Variants in WDR70 observed in about 807,000 individuals in gnomAD.
WDR70 encodes WD repeat-containing protein 70.
Under a neutral mutation model 88.6 loss-of-function variants are expected in WDR70, and 53 were observed. The observed-to-expected ratio is 0.60, with a 90% CI of 0.48 to 0.75. The LOEUF (loss-of-function observed/expected upper bound fraction) is 0.75. WDR70 is among the 30% of genes least tolerant of loss of function. The pLI is 0.00. For missense variants in WDR70, 610 were observed against 823.2 expected (o/e 0.74, Z 3.17); for synonymous variants, 280 against 270.0 (o/e 1.04, Z -0.36).
At chr5:37,426,923 G>T (rs546714435) in intron 5 of WDR70, among the ~76,000 whole-genome samples, 44 of 151,940 alleles carry the variant, frequency 2.9e-4, no homozygotes, top group African/African-American at 1.0e-3. Context: ...ATACGGGTGT[G>T]CACAACCATG....
chr5:37,395,000 T>A (rs1222403777), intron 4 of WDR70, among the ~76,000 whole-genome samples: 1 of 152,216 alleles, frequency 6.6e-6, no homozygotes, highest in East Asian at 1.9e-4. Context: ...GTGCCTGTTA[T>A]AGGTGAAGCA....
intron 8 of WDR70, among the ~76,000 whole-genome samples, chr5:37,508,905 G>C (rs2112237848): frequency 6.6e-6 from 1 of 152,268 alleles, no homozygotes; most frequent in South Asian, 2.1e-4. Flanking sequence ...ATAGCCAACT[G>C]GGCTGGGGTT....
intron 8 of WDR70, among the ~76,000 whole-genome samples, chr5:37,504,961 T>C (rs1740516011): frequency 6.6e-6 from 1 of 152,204 alleles, no homozygotes; most frequent in East Asian, 1.9e-4. Flanking sequence ...TCAAGAAAAT[T>C]GGGCTGAAAT....
intron 17 of WDR70, among the ~76,000 whole-genome samples, chr5:37,744,146 G>A (rs141070613): frequency 6.6e-6 from 1 of 152,250 alleles, no homozygotes; most frequent in African/African-American, 2.4e-5. Flanking sequence ...GGAGCCTGAA[G>A]TGAACCCCCA....
At chr5:37,561,309 T>C (rs1364846422) in intron 9 of WDR70, among the ~76,000 whole-genome samples, 1 of 152,180 alleles carries the variant, frequency 6.6e-6, no homozygotes, top group Admixed American at 6.5e-5. Flanking sequence ...AATGGACCGA[T>C]CTAACTAATA....
At chr5:37,692,335 G>T (rs1463879595) in intron 10 of WDR70, among the ~76,000 whole-genome samples, 1 of 152,064 alleles carries the variant, frequency 6.6e-6, no homozygotes, top group Non-Finnish European at 1.5e-5. Context: ...ACAATCAATG[G>T]AAAAAGAGGG....
chr5:37,383,283 G>A (rs575438764), intron 3 of WDR70, among the ~76,000 whole-genome samples: 14 of 152,136 alleles, frequency 9.2e-5, no homozygotes, highest in Admixed American at 2.6e-4. Context: ...TATTTGAGAC[G>A]GAGGCCTGCT....
intron 10 of WDR70, among the ~76,000 whole-genome samples, chr5:37,678,558 C>T (rs1334409075): frequency 1.3e-5 from 2 of 152,078 alleles, no homozygotes; most frequent in Non-Finnish European, 2.9e-5. Flanking sequence ...TGAATATTGG[C>T]CCCCACTCTC....
chr5:37,694,180 T>C (rs1305709997), intron 10 of WDR70, among the ~76,000 whole-genome samples: 4 of 152,178 alleles, frequency 2.6e-5, no homozygotes, highest in Non-Finnish European at 5.9e-5. Context: ...ATGGCGATCA[T>C]TAAAAAGTCA....
chr5:37,575,057 G>A (rs1029455320), intron 9 of WDR70, among the ~76,000 whole-genome samples: 7 of 152,088 alleles, frequency 4.6e-5, no homozygotes, highest in African/African-American at 1.7e-4. Context: ...TGAGGGCAAG[G>A]GCTTTAACTG....
At chr5:37,528,483 T>G (rs674251) in intron 9 of WDR70, among the ~76,000 whole-genome samples, 140,018 of 151,980 alleles carry the variant, frequency 0.92, 65,569 homozygotes, top group East Asian at 1. Flanking sequence ...CTGTTGTGGG[T>G]TAGGGGGAGG....
intron 10 of WDR70, among the ~76,000 whole-genome samples, chr5:37,636,852 A>G (rs1380299749): frequency 6.6e-6 from 1 of 152,182 alleles, no homozygotes; most frequent in African/African-American, 2.4e-5. Context: ...GACTAGAAAA[A>G]AAAGCACATT....
intron 10 of WDR70, among the ~76,000 whole-genome samples, chr5:37,607,994 G>T (rs1392964620): frequency 2.6e-5 from 4 of 150,986 alleles, no homozygotes; most frequent in African/African-American, 9.8e-5. Flanking sequence ...GTAAAAGCAT[G>T]CACCCTGATT....
At chr5:37,415,670 C>A (rs1749708312) in intron 5 of WDR70, among the ~76,000 whole-genome samples, 1 of 151,422 alleles carries the variant, frequency 6.6e-6, no homozygotes, top group African/African-American at 2.4e-5. Context: ...GGCTGACCCC[C>A]CCACCTCCCT....
At chr5:37,585,723 T>C (rs2112435358) in intron 9 of WDR70, among the ~76,000 whole-genome samples, 2 of 152,316 alleles carry the variant, frequency 1.3e-5, no homozygotes, top group South Asian at 4.2e-4. Context: ...TGTATAGCCA[T>C]GGGTCAGGCT....
At chr5:37,581,815 A>G (rs952464966) in intron 9 of WDR70, among the ~76,000 whole-genome samples, 18 of 152,184 alleles carry the variant, frequency 1.2e-4, no homozygotes, top group African/African-American at 4.3e-4. Context: ...CAGAGAGGCA[A>G]AGCTATCAGA....
chr5:37,564,420 G>A (rs966462322), intron 9 of WDR70, among the ~76,000 whole-genome samples: 6 of 152,038 alleles, frequency 3.9e-5, no homozygotes, highest in Admixed American at 6.5e-5. Flanking sequence ...GCAGGCACTG[G>A]GCAGGCTGAG....
chr5:37,519,082 A>G (rs1235413419), intron 9 of WDR70, among the ~76,000 whole-genome samples: 1 of 152,168 alleles, frequency 6.6e-6, no homozygotes, highest in African/African-American at 2.4e-5. Flanking sequence ...TCCTATGTCT[A>G]CTTCTTTCTA....
chr5:37,534,340 G>T (rs1243105275), intron 9 of WDR70, among the ~76,000 whole-genome samples: 1 of 152,120 alleles, frequency 6.6e-6, no homozygotes, highest in Non-Finnish European at 1.5e-5. Flanking sequence ...TTTAGATAAA[G>T]TTCCACAGGT....
Sources: allele counts gnomAD v4.1 joint callset (sites outside exome capture counted in the v4.1 genomes callset), GRCh38; gene constraint gnomAD v4.1.1; transcripts MANE v1.5; gene names NCBI Gene and HGNC (gene_info 2026-07-23, HGNC 2026-07-21).